Variants in NFATC2 observed in about 807,000 individuals in gnomAD.
NFATC2 encodes the protein nuclear factor of activated T cells 2, also known as nuclear factor of activated T-cells, cytoplasmic 2.
NFATC2 carries 22 observed loss-of-function variants against 87.3 expected under a neutral mutation model. That is an observed-to-expected ratio of 0.25 (90% confidence interval 0.18 to 0.36). The LOEUF is 0.36. NFATC2 is among the 10% of genes least tolerant of loss of function. The pLI, the probability that NFATC2 is intolerant of heterozygous loss-of-function variation, is 1.00. For synonymous variants in NFATC2, 565 were observed against 542.2 expected, an observed-to-expected ratio of 1.04 and a Z score of -0.58; for missense variants, 1,149 against 1,259.1, an observed-to-expected ratio of 0.91 and a Z score of 1.32.
At chr20:51,497,150 C>T (rs915614740) in intron 3 of NFATC2, among the ~76,000 whole-genome samples, 5 of 152,220 alleles carry the variant, frequency 3.3e-5, no homozygotes, top group African/African-American at 1.2e-4. Flanking sequence ...CAAGTCCCAA[C>T]AAGCTTCCCA....
rs1391400817 is a variant in NFATC2 at position 51,432,302 on chromosome 20, C to T, written c.2487G>A (p.Gln829=). ...CGAAATTCTCGCAGTACATGATGTG[C>T]TGGAACTCCTGGTGGCTTCCGCAGC... is the stretch of plus-strand genomic sequence containing the variant. ...QLRCGSHQEF[Q]HIMYCENFAP... Residue 829 remains glutamine (Q), a synonymous_variant, in exon 9 of 11, where the codon CAG becomes CAA. Transcript: ENST00000371564. This position sits in a 1 kb window ranked among gnomAD's most constrained non-coding sequence, Gnocchi z 4.6. The T allele has an allele frequency of 6.2e-7, 1 of 1,614,118 alleles. No homozygotes were observed. Among genetic ancestry groups the T allele is most frequent in the Non-Finnish European group, 8.5e-7 (1 of 1,180,044 alleles).
At chr20:51,396,002 T>G (rs991316948) in intron 10 of NFATC2, among the ~76,000 whole-genome samples, 1 of 136,946 alleles carries the variant, frequency 7.3e-6, no homozygotes, top group Admixed American at 7.7e-5. Flanking sequence ...GGGGCCAGGA[T>G]TGACCCAAGA....
chr20:51,428,971 G>C (rs781234424), intron 9 of NFATC2, among the ~76,000 whole-genome samples: 2 of 152,094 alleles, frequency 1.3e-5, no homozygotes, highest in Non-Finnish European at 2.9e-5. Flanking sequence ...TAAACGAAAG[G>C]GACAGAAAAG....
At chr20:51,440,468 T>C (rs926843894) in intron 6 of NFATC2, among the ~76,000 whole-genome samples, 2 of 152,208 alleles carry the variant, frequency 1.3e-5, no homozygotes, top group African/African-American at 2.4e-5. Flanking sequence ...AGGGAATTTA[T>C]GAAGCGACGA....
chr20:51,413,239 C>T (rs1337141747), intron 9 of NFATC2, among the ~76,000 whole-genome samples: 2 of 152,082 alleles, frequency 1.3e-5, no homozygotes, highest in East Asian at 3.9e-4. Context: ...CCCCAAGCAT[C>T]TGCCTCTGTC....
At chr20:51,414,924 G>C (rs1464782679) in intron 9 of NFATC2, among the ~76,000 whole-genome samples, 1 of 151,906 alleles carries the variant, frequency 6.6e-6, no homozygotes, top group African/African-American at 2.4e-5. Context: ...GTCATTTCTA[G>C]GACCTGAAAT....
intron 1 of NFATC2, among the ~76,000 whole-genome samples, chr20:51,549,106 G>A (rs1038751424): frequency 6.6e-6 from 1 of 152,034 alleles, no homozygotes; most frequent in Admixed American, 6.5e-5. Flanking sequence ...GGCAATGTGT[G>A]ACAATTTCAC....
At chr20:51,449,302 A>G (rs1346614048) in intron 6 of NFATC2, among the ~76,000 whole-genome samples, 1 of 152,142 alleles carries the variant, frequency 6.6e-6, no homozygotes, top group Non-Finnish European at 1.5e-5. Context: ...CTGGGAGGTG[A>G]GCTCTTGAGG....
Position 51,432,852 on chromosome 20 carries a change from G to A in NFATC2, c.2033-96C>T, listed in dbSNP as rs1600720073. The stretch of plus-strand genomic sequence containing the variant: ...ATGGTGCTTGAGAACATGGCCTTGG[G>A]AGTCCATACGGGTGGGACAAACAGC... On this transcript the variant is annotated intron_variant, in intron 8 of 10. Transcript: ENST00000371564. This position sits in a 1 kb window ranked among gnomAD's most constrained non-coding sequence, Gnocchi z 4.6. 6 of 1,107,736 alleles carry A rather than the reference G, an allele frequency of 5.4e-6. No individual in the cohort carries two copies. In the East Asian group the frequency reaches 1.7e-4, roughly 32 times the overall value. The allele number at this position is 1,107,736 out of a possible 1,614,324, so 68.6% of individuals were successfully genotyped here. A position where few individuals can be genotyped will look rare whatever the true frequency, so the allele number is the denominator to read the frequency against.
chr20:51,470,726 G>A (rs1461366435), intron 5 of NFATC2, among the ~76,000 whole-genome samples: 2 of 152,098 alleles, frequency 1.3e-5, no homozygotes, highest in Non-Finnish European at 2.9e-5. Flanking sequence ...CGCGTGTTAC[G>A]GACTAATTGC....
intron 2 of NFATC2, among the ~76,000 whole-genome samples, chr20:51,520,853 T>C (rs1046016108): frequency 6.6e-6 from 1 of 151,690 alleles, no homozygotes; most frequent in African/African-American, 2.4e-5. Context: ...AGAGACAGGG[T>C]TTCTCCATGT....
Position 51,523,862 on chromosome 20 carries a change from G to T in NFATC2, c.379C>A (p.Pro127Thr), listed in dbSNP as rs747745626. 2 of 1,609,762 alleles carry T rather than the reference G, an allele frequency of 1.2e-6. No homozygotes were observed. Among genetic ancestry groups the T allele is most frequent in the Admixed American group, 3.4e-5 (2 of 59,062 alleles). ...PSHELIQAVG[P>T]LRMRDAGLLV... ...AGGCCCGCGTCTCTCATGCGGAGGGGCCCCACTGCCTGGATCAGTTCGTGG... is the reference window on the plus strand; with the variant it reads ...AGGCCCGCGTCTCTCATGCGGAGGGTCCCCACTGCCTGGATCAGTTCGTGG... Residue 127 changes from proline to threonine, a missense_variant, in exon 2 of 11, where the codon CCC (proline) becomes ACC (threonine). Pro to Thr is a conservative substitution (Grantham distance 38, BLOSUM62 -1). Around this residue, in one of 3 missense-constraint regions of NFATC2, gnomAD observed 563 missense variants for 585.2 expected, o/e 0.96. Coordinates refer to ENST00000371564, the MANE Select transcript of NFATC2 (RefSeq NM_012340.5). This position sits in a 1 kb window ranked among gnomAD's most constrained non-coding sequence, Gnocchi z 6.9.
At chr20:51,508,843 G>A (rs912706730) in intron 3 of NFATC2, among the ~76,000 whole-genome samples, 11 of 151,004 alleles carry the variant, frequency 7.3e-5, no homozygotes, top group African/African-American at 2.7e-4. Flanking sequence ...GCTCCCCCAT[G>A]CCCCCACCCT....
chr20:51,555,359 C>T (rs1376614804), intron 1 of NFATC2, among the ~76,000 whole-genome samples: 2 of 151,994 alleles, frequency 1.3e-5, no homozygotes, highest in Non-Finnish European at 2.9e-5. Context: ...TTTGGGAGGC[C>T]GAGTCAGGTG....
chr20:51,473,910 A>G (rs1473333677), intron 5 of NFATC2, 70 bp downstream of exon 5: 1 of 1,539,652 alleles, frequency 6.5e-7, no homozygotes, highest in Non-Finnish European at 8.8e-7. Flanking sequence ...CCCAGAATAC[A>G]CTGCTCCCGG....
chr20:51,541,536 C>T (rs2076817182), intron 1 of NFATC2, among the ~76,000 whole-genome samples: 1 of 152,250 alleles, frequency 6.6e-6, no homozygotes, highest in Non-Finnish European at 1.5e-5. Context: ...TCCCCAGCCC[C>T]CAGCAACTGA....
In NFATC2 at chr20:51,523,418, G is replaced by A. The variant is rs767216615; in HGVS notation, c.823C>T (p.Pro275Ser). Reference sequence around the variant, plus strand: ...ACGTGAGATGAGGGCTGCGGCGAGGGGCTCCGGGAGCGCTGGGGTGAGGCT... The same window carrying A: ...ACGTGAGATGAGGGCTGCGGCGAGGAGCTCCGGGAGCGCTGGGGTGAGGCT... ...PGASPQRSRS[P>S]SPQPSSHVAP... Residue 275 changes from proline to serine, a missense_variant, in exon 2 of 11, where the codon CCC (proline) becomes TCC (serine). This residue lies in a region of NFATC2 where 563 missense variants were observed against 585.2 expected (regional missense o/e 0.96). Transcript: ENST00000371564. The surrounding 1 kb of genome is among the most constrained non-coding windows in gnomAD (Gnocchi z 6.9). 12 of 1,608,388 alleles carry A rather than the reference G, an allele frequency of 7.5e-6. No individual in the cohort carries two copies. The East Asian group carries it at 2.0e-4, about 27-fold the overall frequency.
At chr20:51,520,502 C>T (rs1340087010) in intron 2 of NFATC2, among the ~76,000 whole-genome samples, 1 of 150,476 alleles carries the variant, frequency 6.6e-6, no homozygotes. Context: ...GCACCTGTCT[C>T]CCCAGTGACT....
intron 3 of NFATC2, among the ~76,000 whole-genome samples, chr20:51,494,145 G>A (rs1363695669): frequency 1.3e-5 from 2 of 151,858 alleles, no homozygotes; most frequent in Non-Finnish European, 2.9e-5. Flanking sequence ...TACTTTGCTT[G>A]GTTATGAGTC....
Sources: gnomAD v4.1 joint callset for allele counts (sites outside exome capture counted in the v4.1 genomes callset) on GRCh38, gnomAD v4.1.1 for gene constraint, gnomAD v4.1.1 regional missense constraint, Gnocchi (gnomAD v3.1) non-coding constraint, MANE v1.5 for transcripts, NCBI Gene and HGNC (gene_info 2026-07-23, HGNC 2026-07-21) for gene names.